The following EYA2 variants were observed in gnomAD, a reference collection of about 807,000 sequenced individuals.
The protein encoded by EYA2 is protein phosphatase EYA2.
EYA2 carries 31 observed loss-of-function variants against 69.2 expected under a neutral mutation model. That is an observed-to-expected ratio of 0.45 (90% CI 0.34 to 0.60). The LOEUF is 0.60. EYA2 is among the 20% of genes least tolerant of loss of function. The pLI is 0.02. For synonymous variants in EYA2, 257 were observed against 279.4 expected (o/e 0.92, Z 0.80); for missense variants, 622 against 701.2 (o/e 0.89, Z 1.28).
intron 1 of EYA2, among the ~76,000 whole-genome samples, chr20:46,980,776 C>G (rs553493882): frequency 6.6e-6 from 1 of 152,176 alleles, no homozygotes; most frequent in Non-Finnish European, 1.5e-5. Context: ...CCCTTCCTGG[C>G]CTTCAGTAAT....
chr20:46,907,193 AC>A (rs1984400910), intron 1 of EYA2, among the ~76,000 whole-genome samples: 1 of 152,242 alleles, frequency 6.6e-6, no homozygotes. Context: ...ATATCTTCCT[AC>A]AGGGCACAAA....
chr20:47,017,876 G>A (rs1489630876), intron 5 of EYA2, among the ~76,000 whole-genome samples: 5 of 152,208 alleles, frequency 3.3e-5, no homozygotes, highest in African/African-American at 1.2e-4. Flanking sequence ...TAATGGCAAA[G>A]GGACTGTGTC....
intron 12 of EYA2, among the ~76,000 whole-genome samples, chr20:47,177,056 C>T (rs1453903324): frequency 6.6e-6 from 1 of 152,140 alleles, no homozygotes; most frequent in Admixed American, 6.6e-5. Context: ...CCTCGGCCTC[C>T]AAAAGTGCTG....
intron 7 of EYA2, among the ~76,000 whole-genome samples, chr20:47,076,243 A>G (rs777169931): frequency 6.6e-6 from 1 of 152,260 alleles, no homozygotes; most frequent in Non-Finnish European, 1.5e-5. Flanking sequence ...GTATATATCC[A>G]AATGGTAGTT....
In EYA2 at chr20:47,142,324, C is replaced by T. The variant is rs562122489; in HGVS notation, c.889-735C>T. Among the ~76,000 whole-genome samples the T allele has an allele frequency of 1.2e-3, 177 of 152,336 alleles. 1 individual carries two copies. The highest frequency in any genetic ancestry group is 6.8e-3 in the Middle Eastern group (2 of 294). ...ATGGGTGAACAGCAGTACAGTCTAC[C>T]ACACTGTGTATACAGAAAGGAGGCA... On this transcript the variant is annotated intron_variant, in intron 9 of 15. Transcript: ENST00000327619.
At chr20:46,952,984 T>G (rs145920007) in intron 1 of EYA2, among the ~76,000 whole-genome samples, 1 of 152,350 alleles carries the variant, frequency 6.6e-6, no homozygotes, top group African/African-American at 2.4e-5. Context: ...CTGTGACAGT[T>G]TTGCACAGCT....
chr20:46,934,762 C>T (rs566923036), intron 1 of EYA2, among the ~76,000 whole-genome samples: 46 of 152,192 alleles, frequency 3.0e-4, no homozygotes, highest in South Asian at 2.9e-3. Context: ...GAATCTCTGG[C>T]AGAGAGAACA....
At chr20:47,179,664 A>C in intron 12 of EYA2, 134 bp from the exon 13 acceptor site, 1 of 603,676 alleles carries the variant, frequency 1.7e-6, no homozygotes, top group Non-Finnish European at 2.9e-6. Context: ...GAGAGAAGCC[A>C]CTGGATTGAA....
chr20:47,072,223 A>ACAGTCCCGAAACTGG lies in EYA2; in HGVS notation c.454_455insCAGTCCCGAAACTGG (p.Asn152delinsThrValProLysLeuAsp). 2 of 1,613,106 alleles carry ACAGTCCCGAAACTGG rather than the reference A, an allele frequency of 1.2e-6. No individual in the cohort carries two copies. Among genetic ancestry groups the ACAGTCCCGAAACTGG allele is most frequent in the Non-Finnish European group, 8.5e-7 (1 of 1,179,546 alleles). ...CTATCAAGGAGGAAATGGACTGGGC[A>ACAGTCCCGAAACTGG]ACGCAGCCGGTTTCGGGAGTGTGCA... On this transcript the variant is annotated protein_altering_variant, in exon 6 of 16. Coordinates refer to ENST00000327619, the MANE Select transcript of EYA2 (RefSeq NM_005244.5).
chr20:46,899,038 T>G (rs367842972), intron 1 of EYA2, among the ~76,000 whole-genome samples: 16 of 152,346 alleles, frequency 1.1e-4, no homozygotes, highest in African/African-American at 3.8e-4. Flanking sequence ...TCTTCACGTG[T>G]ATTTTTAAAG....
intron 5 of EYA2, among the ~76,000 whole-genome samples, chr20:47,050,350 T>TC (rs1279918526): frequency 3.9e-5 from 6 of 152,118 alleles, no homozygotes; most frequent in Admixed American, 3.9e-4. Context: ...ACCTCACCCA[T>TC]CCCTTGGGCT....
chr20:46,965,714 C>T (rs1979735838), intron 1 of EYA2, among the ~76,000 whole-genome samples: 1 of 152,376 alleles, frequency 6.6e-6, no homozygotes, highest in East Asian at 1.9e-4. Flanking sequence ...CCTCCTGACT[C>T]CTCTGGGGTT....
At chr20:47,169,070 C>T in intron 10 of EYA2, 69 bp from the exon 11 acceptor site, 1 of 1,480,418 alleles carries the variant, frequency 6.8e-7, no homozygotes, top group Non-Finnish European at 9.4e-7. Context: ...GAGGCCAACC[C>T]TTGAAGGCTA....
At chr20:46,941,408 A>C (rs1306973339) in intron 1 of EYA2, among the ~76,000 whole-genome samples, 1 of 152,214 alleles carries the variant, frequency 6.6e-6, no homozygotes, top group African/African-American at 2.4e-5. Context: ...GTGGCCTTTC[A>C]TAGCCTCCTT....
chr20:47,143,915 AG>A (rs1279661087), intron 10 of EYA2, among the ~76,000 whole-genome samples: 3 of 152,230 alleles, frequency 2.0e-5, no homozygotes, highest in Non-Finnish European at 2.9e-5. Flanking sequence ...CAAAGTAAAG[AG>A]GGAAATACAA....
At chr20:46,976,489 C>T (rs1304374342) in intron 1 of EYA2, among the ~76,000 whole-genome samples, 1 of 152,112 alleles carries the variant, frequency 6.6e-6, no homozygotes, top group Non-Finnish European at 1.5e-5. Flanking sequence ...GGGTTCACGC[C>T]ATTCTCCTGC....
At position 46,981,055 on chromosome 20, in the gene EYA2, A is replaced by T. The variant is rs140633777; in HGVS notation, c.-10-8946A>T. Among the ~76,000 whole-genome samples the T allele has an allele frequency of 2.4e-3, 359 of 152,342 alleles. 3 individuals are homozygous for T. Among genetic ancestry groups the T allele is most frequent in the African/African-American group, 8.3e-3 (347 of 41,578 alleles). ...AAGCTTCTTTTTAGATCCTCATGGCAGAACAGGATAAGTTCACCAAACAGG... is the reference window on the plus strand; with the variant it reads ...AAGCTTCTTTTTAGATCCTCATGGCTGAACAGGATAAGTTCACCAAACAGG... On this transcript the variant is annotated intron_variant, in intron 1 of 15. Coordinates refer to ENST00000327619, the MANE Select transcript of EYA2 (RefSeq NM_005244.5).
chr20:47,150,549 C>T (rs2033803153), intron 10 of EYA2, among the ~76,000 whole-genome samples: 1 of 150,746 alleles, frequency 6.6e-6, no homozygotes, highest in Admixed American at 6.6e-5. Context: ...CTCACTGCAG[C>T]CTCGACCTCC....
rs137956204 is a variant in EYA2, at chr20:47,144,877, AAAAC to A, written c.978+1741_978+1744del. ...CTATGGCTCGAAGGACACAAGAGAG[AAAAC>A]AAACAAACAAAAACTGTGGCCGTTG... On this transcript the variant is annotated intron_variant, in intron 10 of 15. Coordinates refer to ENST00000327619, the MANE Select transcript of EYA2 (RefSeq NM_005244.5). Among the ~76,000 whole-genome samples the A allele has an allele frequency of 3.2e-3, 480 of 152,352 alleles. 4 individuals are homozygous for A. In the East Asian group the frequency reaches 0.035, roughly 11 times the overall value.
Sources: gnomAD v4.1 joint callset for allele counts (sites outside exome capture counted in the v4.1 genomes callset) on GRCh38, gnomAD v4.1.1 for gene constraint, MANE v1.5 for transcripts, NCBI Gene and HGNC (gene_info 2026-07-23, HGNC 2026-07-21) for gene names.